The following HIVEP3 variants were observed in gnomAD, a reference collection of about 807,000 sequenced individuals.
HIVEP3 encodes the protein transcription factor HIVEP3.
In HIVEP3, 49 loss-of-function variants were observed where a neutral mutation model predicts 152.8. The observed-to-expected ratio is 0.32, with a 90% CI of 0.26 to 0.41. The LOEUF (loss-of-function observed/expected upper bound fraction) is 0.41. HIVEP3 is among the 10% of genes least tolerant of loss of function. The pLI, the probability that HIVEP3 is intolerant of heterozygous loss-of-function variation, is 1.00. For missense variants in HIVEP3, 2,790 were observed against 3,103.3 expected, an observed-to-expected ratio of 0.90 and a Z score of 2.40; for synonymous variants, 1,269 against 1,289.0, an observed-to-expected ratio of 0.98 and a Z score of 0.33.
At chr1:41,739,586 C>A (rs574091074) in intron 1 of HIVEP3, among the ~76,000 whole-genome samples, 1 of 152,160 alleles carries the variant, frequency 6.6e-6, no homozygotes, top group Non-Finnish European at 1.5e-5. Flanking sequence ...GCCCCCACCC[C>A]CTCTGCCTCT....
At chr1:41,801,073 C>T (rs769450841) in intron 1 of HIVEP3, among the ~76,000 whole-genome samples, 26 of 152,060 alleles carry the variant, frequency 1.7e-4, no homozygotes, top group Admixed American at 4.6e-4. Flanking sequence ...AAAGCAGGTA[C>T]GATGAAGGGA....
intron 3 of HIVEP3, among the ~76,000 whole-genome samples, chr1:41,611,557 C>T (rs575858103): frequency 2.6e-4 from 39 of 152,388 alleles, no homozygotes; most frequent in Admixed American, 1.2e-3. Context: ...CAGGGGCACA[C>T]ATTCAACAAA....
intron 1 of HIVEP3, among the ~76,000 whole-genome samples, chr1:41,992,333 A>G (rs1437132413): frequency 6.6e-6 from 1 of 150,540 alleles, no homozygotes; most frequent in Admixed American, 6.6e-5. Context: ...CAAAAATCAC[A>G]AGCATTCTTA....
At chr1:41,978,019 T>C (rs548287673) in intron 1 of HIVEP3, among the ~76,000 whole-genome samples, 19 of 152,338 alleles carry the variant, frequency 1.2e-4, no homozygotes, top group African/African-American at 4.3e-4. Flanking sequence ...AACTGAATAG[T>C]TCCTCCTAGA....
chr1:41,654,435 A>C (rs1413657751), intron 2 of HIVEP3, among the ~76,000 whole-genome samples: 1 of 152,224 alleles, frequency 6.6e-6, no homozygotes. Context: ...AGCTAGTGGA[A>C]GTGTATATGG....
At chr1:41,934,248 C>G (rs1645009036) in intron 1 of HIVEP3, among the ~76,000 whole-genome samples, 1 of 152,104 alleles carries the variant, frequency 6.6e-6, no homozygotes, top group Admixed American at 6.6e-5. Context: ...TTTATTATCC[C>G]TAGGGCTTTG....
chr1:41,789,037 C>T (rs1176652430), intron 1 of HIVEP3, among the ~76,000 whole-genome samples: 1 of 152,220 alleles, frequency 6.6e-6, no homozygotes, highest in African/African-American at 2.4e-5. Context: ...TCAGGACAAC[C>T]CTGTGCTCTC....
chr1:41,532,887 C>T lies in HIVEP3; in HGVS notation c.5208-7977G>A, dbSNP rs992288275. Among the ~76,000 whole-genome samples the T allele has an allele frequency of 5.3e-5, 8 of 152,060 alleles. No homozygotes were observed. In the East Asian group the frequency reaches 5.8e-4, roughly 11 times the overall value. ...CCCACAAGACAGAAGAGGGTAGTGC[C>T]GACGGCAGAGACCTGGGTGGCACCC... On this transcript the variant is annotated intron_variant, in intron 5 of 8. Transcript: ENST00000372583.
intron 1 of HIVEP3, among the ~76,000 whole-genome samples, chr1:41,763,111 T>G (rs1647797891): frequency 6.6e-6 from 1 of 152,200 alleles, no homozygotes; most frequent in Non-Finnish European, 1.5e-5. Flanking sequence ...GTCTCTTCTC[T>G]GGGGCTTTAA....
At chr1:41,644,665 G>T (rs1570201948) in intron 2 of HIVEP3, among the ~76,000 whole-genome samples, 1 of 147,672 alleles carries the variant, frequency 6.8e-6, no homozygotes, top group Admixed American at 6.7e-5. Context: ...TATAACCCAG[G>T]GATTTAAAGC....
At chr1:41,819,843 A>T (rs1336081272) in intron 1 of HIVEP3, among the ~76,000 whole-genome samples, 1 of 152,200 alleles carries the variant, frequency 6.6e-6, no homozygotes, top group Admixed American at 6.5e-5. Context: ...CTCTTTAAAA[A>T]TTGTTAAGAG....
intron 1 of HIVEP3, among the ~76,000 whole-genome samples, chr1:41,861,679 T>C (rs1347216665): frequency 6.6e-6 from 1 of 152,106 alleles, no homozygotes; most frequent in East Asian, 1.9e-4. Context: ...GAGGCAGAGA[T>C]GAGAGCGTTG....
intron 1 of HIVEP3, among the ~76,000 whole-genome samples, chr1:41,912,590 A>G (rs1055374921): frequency 1.3e-5 from 2 of 152,224 alleles, no homozygotes; most frequent in African/African-American, 4.8e-5. Context: ...TCCAGGGCAC[A>G]TTATGCTCTG....
intron 1 of HIVEP3, among the ~76,000 whole-genome samples, chr1:41,879,194 C>A (rs1201565972): frequency 6.6e-6 from 1 of 152,200 alleles, no homozygotes; most frequent in Non-Finnish European, 1.5e-5. Context: ...AGGGGACTTG[C>A]AGGACCTGTT....
At position 41,754,667 on chromosome 1, in the gene HIVEP3, C is replaced by A. The variant is rs532505803; in HGVS notation, c.-800-53672G>T. Among the ~76,000 whole-genome samples, 4 of 152,272 alleles carry A rather than the reference C, an allele frequency of 2.6e-5. No individual in the cohort carries two copies. The South Asian group carries it at 8.3e-4, about 32-fold the overall frequency. On this transcript the variant is annotated intron_variant, in intron 1 of 8. Transcript: ENST00000372583. The stretch of plus-strand genomic sequence containing the variant: ...GTCGCCACACAAACCTGCCTGCTCA[C>A]TCTGTTGGACATTTCTGAAACCTCA...
At chr1:41,750,362 G>A (rs943335504) in intron 1 of HIVEP3, among the ~76,000 whole-genome samples, 2 of 152,240 alleles carry the variant, frequency 1.3e-5, no homozygotes, top group Non-Finnish European at 2.9e-5. Flanking sequence ...GTGAAGGAAT[G>A]AATGACTGGA....
At chr1:41,837,113 C>T (rs1643147039) in intron 1 of HIVEP3, among the ~76,000 whole-genome samples, 1 of 152,182 alleles carries the variant, frequency 6.6e-6, no homozygotes, top group Admixed American at 6.5e-5. Flanking sequence ...TCATTTTGTT[C>T]CTCCAACACA....
chr1:42,007,465 A>G (rs1645466488), intron 1 of HIVEP3, among the ~76,000 whole-genome samples: 1 of 152,214 alleles, frequency 6.6e-6, no homozygotes. Flanking sequence ...CACAGTCTCT[A>G]GTGCTGCAGG....
rs758665806 is a variant in HIVEP3 at position 41,584,553 on chromosome 1, T to C, written c.245A>G (p.Lys82Arg). ...EKTGQQQKPPKRPPIEASVHI... is the reference protein window; with the variant it reads ...EKTGQQQKPPRRPPIEASVHI... ...GACGGATGCTTCGATGGGGGGCCTTTTGGGGGGCTTCTGCTGCTGGCCCGT... is the reference window on the plus strand; with the variant it reads ...GACGGATGCTTCGATGGGGGGCCTTCTGGGGGGCTTCTGCTGCTGGCCCGT... Residue 82 changes from lysine (K) to arginine (R), a missense_variant, in exon 4 of 9, where the codon AAA becomes AGA. Physicochemically the swap from Lys to Arg is conservative, Grantham distance 26. Transcript: ENST00000372583. The surrounding 1 kb of genome is among the most constrained non-coding windows in gnomAD (Gnocchi z 5.2). 2.5e-6 allele frequency: 4 copies of C among 1,613,800 alleles called. No individual in the cohort carries two copies. The South Asian group carries it at 3.3e-5, about 13-fold the overall frequency.
Sources: gnomAD v4.1 joint callset for allele counts (sites outside exome capture counted in the v4.1 genomes callset) on GRCh38, gnomAD v4.1.1 for gene constraint, Gnocchi (gnomAD v3.1) non-coding constraint, MANE v1.5 for transcripts, NCBI Gene and HGNC (gene_info 2026-07-23, HGNC 2026-07-21) for gene names.